CBLN2: variants seen among roughly 807,000 people sequenced by gnomAD.
CBLN2 encodes cerebellin 2 precursor.
Under a neutral mutation model 15.0 loss-of-function variants are expected in CBLN2, and 7 were observed. The ratio of observed to expected loss-of-function variants is 0.47; its 90% CI spans 0.27 to 0.88. The LOEUF is 0.88. CBLN2 is among the 40% of genes least tolerant of loss of function. The pLI, the probability that CBLN2 is intolerant of heterozygous loss-of-function variation, is 0.14. For synonymous variants in CBLN2, 149 were observed against 135.2 expected (o/e 1.10, Z -0.71); for missense variants, 242 against 304.5 (o/e 0.79, Z 1.53).
At chr18:72,611,831 G>C (rs1396009219) in intron 1 of CBLN2, among the ~76,000 whole-genome samples, 4 of 152,044 alleles carry the variant, frequency 2.6e-5, no homozygotes, top group African/African-American at 7.2e-5. Context: ...CCAATGTCTA[G>C]AATGTCTCCT....
Position 72,543,101 on chromosome 18 carries a change from G to GGGA in CBLN2, c.-167+384_-167+385insTCC, listed in dbSNP as rs1835150541. The GGGA allele has an allele frequency of 5.6e-6, 1 of 177,396 alleles. No individual in the cohort carries two copies. The highest frequency in any genetic ancestry group is 6.3e-5 in the Admixed American group (1 of 15,952). 11.0% of individuals were successfully genotyped at this position (177,396 alleles called of 1,614,324 possible). On this transcript the variant is annotated intron_variant, in intron 2 of 4. Coordinates refer to ENST00000269503, the MANE Select transcript of CBLN2 (RefSeq NM_182511.4). The surrounding 1 kb of genome is among the most constrained non-coding windows in gnomAD (Gnocchi z 6.8). ...AGGCTTGGGTTATTCTCCAGCTCTG[G>GGGA]TTTCCAGACCACGGGGATTCTCTCT...
upstream of CBLN2, among the ~76,000 whole-genome samples, chr18:72,548,212 A>C (rs2069170661): frequency 6.6e-6 from 1 of 152,244 alleles, no homozygotes. Flanking sequence ...ATCTGCCATC[A>C]GAATGTATTC....
chr18:72,538,421 C>G, intron 4 of CBLN2, 48 bp from the exon 5 acceptor site: 2 of 1,588,150 alleles, frequency 1.3e-6, no homozygotes. Context: ...CACCCAACTC[C>G]CACACACTGT....
chr18:72,623,094 A>G (rs539342780), intron 1 of CBLN2, among the ~76,000 whole-genome samples: 1 of 152,234 alleles, frequency 6.6e-6, no homozygotes, highest in East Asian at 1.9e-4. Context: ...GGAGGAAGAG[A>G]GCGAAGGGGG....
intron 1 of CBLN2, among the ~76,000 whole-genome samples, chr18:72,569,758 C>G (rs867440063): frequency 3.3e-5 from 5 of 152,104 alleles, no homozygotes; most frequent in Admixed American, 1.3e-4. Flanking sequence ...CACTCATCAC[C>G]AAGGGGAAGG....
Position 72,541,540 on chromosome 18 carries a change from G to T in CBLN2, c.357+264C>A, listed in dbSNP as rs201389456. 1.2e-4 allele frequency among the ~76,000 whole-genome samples: 18 copies of T among 152,298 alleles called. 1 individual carries two copies. The South Asian group carries it at 1.9e-3, about 16-fold the overall frequency. The stretch of plus-strand genomic sequence containing the variant: ...AATCTTTAGGTTTACGGAACTCTTA[G>T]AAAGCTTAGACAGCCTTAAGGGACT... On this transcript the variant is annotated intron_variant, in intron 3 of 4. Coordinates refer to ENST00000269503, the MANE Select transcript of CBLN2 (RefSeq NM_182511.4).
chr18:72,582,973 T>C (rs950830935), intron 1 of CBLN2, among the ~76,000 whole-genome samples: 1 of 152,184 alleles, frequency 6.6e-6, no homozygotes, highest in Non-Finnish European at 1.5e-5. Flanking sequence ...AGGGTCTTCT[T>C]GCACCCTCTG....
intron 1 of CBLN2, among the ~76,000 whole-genome samples, chr18:72,609,547 C>A (rs2144952310): frequency 6.6e-6 from 1 of 152,256 alleles, no homozygotes; most frequent in South Asian, 2.1e-4. Flanking sequence ...ACCACCCAGA[C>A]TGTGGTACTT....
chr18:72,558,407 C>A (rs796965350), intron 1 of CBLN2, among the ~76,000 whole-genome samples: 1 of 152,324 alleles, frequency 6.6e-6, no homozygotes, highest in African/African-American at 2.4e-5. Flanking sequence ...TTTGATGCGC[C>A]TTTTCCCATT....
At chr18:72,569,800 C>T (rs921609432) in intron 1 of CBLN2, among the ~76,000 whole-genome samples, 4 of 152,034 alleles carry the variant, frequency 2.6e-5, no homozygotes, top group Non-Finnish European at 5.9e-5. Flanking sequence ...TTCTCCCCTA[C>T]GATCTACATA....
chr18:72,546,203 C>A (rs1196476628), upstream of CBLN2, among the ~76,000 whole-genome samples: 2 of 151,984 alleles, frequency 1.3e-5, no homozygotes. Flanking sequence ...TTTGGGAGGC[C>A]GAGGCGGGCG....
rs1236934659 is a variant in CBLN2, at chr18:72,538,767, T to C, written c.363A>G (p.Leu121=). ...RTMTIYFDQV[L]VNIGNHFDLA... is the part of the protein sequence containing the mutation. The stretch of plus-strand genomic sequence containing the variant: ...GATCAAAGTGGTTGCCAATATTTAC[T>C]AATACCTGAAAAAGAAGAGGGAACA... The change falls in exon 4 of 5, where the codon TTA becomes TTG. Residue 121 remains leucine (L), a synonymous_variant. Coordinates refer to ENST00000269503, the MANE Select transcript of CBLN2 (RefSeq NM_182511.4). 6.2e-7 allele frequency: 1 copy of C among 1,613,494 alleles called. No individual in the cohort carries two copies. The highest frequency in any genetic ancestry group is 8.5e-7 in the Non-Finnish European group (1 of 1,179,916).
chr18:72,598,937 G>A (rs1261628944), intron 1 of CBLN2, among the ~76,000 whole-genome samples: 1 of 152,144 alleles, frequency 6.6e-6, no homozygotes. Context: ...ATGAGAGAAC[G>A]GTGTTGTAGG....
At chr18:72,580,491 G>T (rs2069395767) in intron 1 of CBLN2, among the ~76,000 whole-genome samples, 1 of 151,862 alleles carries the variant, frequency 6.6e-6, no homozygotes, top group African/African-American at 2.4e-5. Flanking sequence ...GAATATTATG[G>T]CATCAATTCA....
intron 1 of CBLN2, among the ~76,000 whole-genome samples, chr18:72,556,983 G>T (rs945219971): frequency 1.3e-5 from 2 of 151,812 alleles, no homozygotes; most frequent in Admixed American, 6.6e-5. Context: ...TCATTCTTAT[G>T]CTGACATCTA....
At chr18:72,598,868 G>A (rs1269568749) in intron 1 of CBLN2, among the ~76,000 whole-genome samples, 5 of 152,168 alleles carry the variant, frequency 3.3e-5, no homozygotes, top group African/African-American at 1.2e-4. Flanking sequence ...CAAAATTGCT[G>A]CACTCTCTCT....
At chr18:72,616,785 A>G (rs2069665587) in intron 1 of CBLN2, among the ~76,000 whole-genome samples, 1 of 152,174 alleles carries the variant, frequency 6.6e-6, no homozygotes, top group African/African-American at 2.4e-5. Flanking sequence ...TATGAAGAGA[A>G]TAACTCCTTA....
chr18:72,618,757 C>T (rs1191087447), intron 1 of CBLN2: 1 of 727,154 alleles, frequency 1.4e-6, no homozygotes, highest in African/African-American at 1.7e-5. Context: ...CACTGTCATT[C>T]AGAAATACCA....
intron 1 of CBLN2, among the ~76,000 whole-genome samples, chr18:72,574,145 AT>A (rs2069349608): frequency 6.6e-6 from 1 of 151,796 alleles, no homozygotes; most frequent in East Asian, 1.9e-4. Context: ...CATTTTGTTT[AT>A]TGTCGTGTTT....
Sources: allele counts gnomAD v4.1 joint callset (sites outside exome capture counted in the v4.1 genomes callset), GRCh38; gene constraint gnomAD v4.1.1; non-coding constraint Gnocchi (gnomAD v3.1); transcripts MANE v1.5; gene names NCBI Gene and HGNC (gene_info 2026-07-23, HGNC 2026-07-21).